Variants in RPS6KC1 observed in about 807,000 individuals in gnomAD.
RPS6KC1 encodes inactive ribosomal protein S6 kinase delta-1.
A neutral mutation model predicts 103.8 loss-of-function variants in RPS6KC1; 54 were observed. That is an observed-to-expected ratio of 0.52 (90% confidence interval 0.42 to 0.65). RPS6KC1 has a LOEUF of 0.65. Ranked by LOEUF, RPS6KC1 falls within the 30% of genes least tolerant of loss-of-function variation. The probability of loss-of-function intolerance (pLI) is 0.00; values close to 1 mark genes in which losing one functional copy is unlikely to be tolerated. For missense variants in RPS6KC1, 1,151 were observed against 1,253.8 expected (o/e 0.92, Z 1.24); for synonymous variants, 439 against 438.7 (o/e 1.00, Z -0.01).
the RPS6KC1 span, among the ~76,000 whole-genome samples, chr1:213,311,700 G>A: frequency 6.6e-6 from 1 of 151,964 alleles, no homozygotes; most frequent in South Asian, 2.1e-4. Context: ...CATGTTAAGG[G>A]GCTGTGCTGT....
At chr1:213,211,507 T>C (rs2093505236) in intron 8 of RPS6KC1, among the ~76,000 whole-genome samples, 1 of 152,208 alleles carries the variant, frequency 6.6e-6, no homozygotes, top group South Asian at 2.1e-4. Context: ...TATTCTGCCT[T>C]CTGCTATATT....
the RPS6KC1 span, among the ~76,000 whole-genome samples, chr1:213,628,243 T>C: frequency 6.6e-6 from 1 of 152,232 alleles, no homozygotes; most frequent in Non-Finnish European, 1.5e-5. Context: ...TGGTAGTTTG[T>C]ATTTCTGTGG....
At chr1:213,279,957 T>C in the RPS6KC1 span, among the ~76,000 whole-genome samples, 1 of 152,250 alleles carries the variant, frequency 6.6e-6, no homozygotes, top group Non-Finnish European at 1.5e-5. Context: ...CAGATGATTC[T>C]GATGCTTGCT....
the RPS6KC1 span, among the ~76,000 whole-genome samples, chr1:213,692,809 C>G: frequency 6.6e-5 from 10 of 152,198 alleles, no homozygotes; most frequent in Non-Finnish European, 1.2e-4. Flanking sequence ...TCAGGTATTT[C>G]TATCTATTGG....
the RPS6KC1 span, among the ~76,000 whole-genome samples, chr1:213,682,224 T>C: frequency 8.3e-3 from 1,270 of 152,312 alleles, 27 homozygotes; most frequent in East Asian, 0.083. Context: ...TCTGCCTCTG[T>C]GCCTGTATAA....
At chr1:213,739,409 T>C in the RPS6KC1 span, among the ~76,000 whole-genome samples, 1 of 152,202 alleles carries the variant, frequency 6.6e-6, no homozygotes, top group African/African-American at 2.4e-5. Context: ...AATTTATACA[T>C]GGTCTTTTGA....
At chr1:213,116,845 G>A (rs1175785098) in intron 4 of RPS6KC1, among the ~76,000 whole-genome samples, 1 of 152,014 alleles carries the variant, frequency 6.6e-6, no homozygotes, top group Non-Finnish European at 1.5e-5. Flanking sequence ...ATTCTGGGTT[G>A]AAAATTCTTT....
intron 8 of RPS6KC1, among the ~76,000 whole-genome samples, chr1:213,196,134 C>T (rs916322297): frequency 6.6e-6 from 1 of 151,910 alleles, no homozygotes; most frequent in Admixed American, 6.6e-5. Flanking sequence ...ACATCCACAC[C>T]AAAAAATTAT....
At chr1:213,660,458 A>C in the RPS6KC1 span, among the ~76,000 whole-genome samples, 2,198 of 152,364 alleles carry the variant, frequency 0.014, 65 homozygotes, top group African/African-American at 0.049. Flanking sequence ...ATCTCCATTT[A>C]GAAAAACAAG....
the RPS6KC1 span, among the ~76,000 whole-genome samples, chr1:213,311,893 C>CTTTT: frequency 7.9e-6 from 1 of 127,364 alleles, no homozygotes; most frequent in Non-Finnish European, 1.7e-5. Flanking sequence ...TCAGGAGGAT[C>CTTTT]TTTTTTTTTT....
chr1:213,603,350 A>G, the RPS6KC1 span, among the ~76,000 whole-genome samples: 2 of 152,200 alleles, frequency 1.3e-5, no homozygotes, highest in Non-Finnish European at 2.9e-5. Context: ...CTTCAGAGGT[A>G]CTTTGAGCAG....
chr1:213,309,030 G>A, the RPS6KC1 span, among the ~76,000 whole-genome samples: 5 of 152,220 alleles, frequency 3.3e-5, no homozygotes, highest in African/African-American at 9.6e-5. Context: ...GGTGGCTCAC[G>A]TCTGTAATCC....
the RPS6KC1 span, among the ~76,000 whole-genome samples, chr1:213,398,831 G>T: frequency 6.6e-6 from 1 of 151,592 alleles, no homozygotes; most frequent in Non-Finnish European, 1.5e-5. Flanking sequence ...AGTTCTTTGA[G>T]ACATTAGACT....
the RPS6KC1 span, among the ~76,000 whole-genome samples, chr1:213,455,975 T>A: frequency 6.6e-6 from 1 of 152,120 alleles, no homozygotes. Context: ...GGTAACCTCT[T>A]TTATAATTCC....
the RPS6KC1 span, among the ~76,000 whole-genome samples, chr1:213,559,762 A>T: frequency 6.6e-6 from 1 of 152,252 alleles, no homozygotes; most frequent in African/African-American, 2.4e-5. Context: ...TTTTTATAGT[A>T]ACCACATTAA....
At chr1:213,151,573 G>A (rs1430053270) in intron 6 of RPS6KC1, among the ~76,000 whole-genome samples, 3 of 87,842 alleles carry the variant, frequency 3.4e-5, no homozygotes, top group Non-Finnish European at 6.9e-5. Flanking sequence ...CTCACCTCCC[G>A]GATGGGGCGG....
At chr1:213,364,162 G>A in the RPS6KC1 span, among the ~76,000 whole-genome samples, 12 of 152,144 alleles carry the variant, frequency 7.9e-5, no homozygotes, top group Admixed American at 7.9e-4. Flanking sequence ...ACAAATGGAT[G>A]TGGCTGTGTT....
the RPS6KC1 span, among the ~76,000 whole-genome samples, chr1:213,550,196 T>C: frequency 6.6e-6 from 1 of 152,166 alleles, no homozygotes; most frequent in African/African-American, 2.4e-5. Context: ...GGCACAAGCA[T>C]AGATATTATG....
chr1:213,063,581 G>A (rs2148378986), intron 1 of RPS6KC1, among the ~76,000 whole-genome samples: 1 of 152,314 alleles, frequency 6.6e-6, no homozygotes, highest in South Asian at 2.1e-4. Flanking sequence ...AGAAATTGTG[G>A]TAGTATTTCT....
Sources: allele counts gnomAD v4.1 joint callset (sites outside exome capture counted in the v4.1 genomes callset), GRCh38; gene constraint gnomAD v4.1.1; transcripts MANE v1.5; gene names NCBI Gene and HGNC (gene_info 2026-07-23, HGNC 2026-07-21).